HYAL4: variants seen among roughly 807,000 people sequenced by gnomAD.
HYAL4 encodes hyaluronidase 4, also known as hyaluronidase-4.
Under a neutral mutation model 35.2 loss-of-function variants are expected in HYAL4, and 37 were observed. The observed-to-expected ratio is 1.05, with a 90% confidence interval of 0.81 to 1.38. The LOEUF (loss-of-function observed/expected upper bound fraction) is 1.38, where lower values mean the gene tolerates loss of function less well. Ranked by LOEUF, HYAL4 falls within the 40% of genes most tolerant of loss-of-function variation. HYAL4 has a pLI of 0.00. For missense variants in HYAL4, 572 were observed against 572.4 expected (o/e 1.00, Z 0.01); for synonymous variants, 198 against 203.2 (o/e 0.97, Z 0.22).
the HYAL4 span, among the ~76,000 whole-genome samples, chr7:123,796,366 A>G: frequency 6.6e-6 from 1 of 152,248 alleles, no homozygotes; most frequent in Non-Finnish European, 1.5e-5. Context: ...TTAAAGAAAC[A>G]TTTACGTGGT....
intron 2 of HYAL4, among the ~76,000 whole-genome samples, chr7:123,858,301 A>C (rs1806502812): frequency 6.6e-6 from 1 of 152,164 alleles, no homozygotes; most frequent in Non-Finnish European, 1.5e-5. Context: ...AAATCTACTC[A>C]GATTGCTTAA....
intron 1 of HYAL4, among the ~76,000 whole-genome samples, chr7:123,829,493 G>A (rs1026476758): frequency 1.3e-5 from 2 of 152,022 alleles, no homozygotes; most frequent in African/African-American, 4.8e-5. Context: ...AAAAAAGTTA[G>A]TCATTGATGC....
At chr7:123,799,954 A>G in the HYAL4 span, among the ~76,000 whole-genome samples, 1 of 151,894 alleles carries the variant, frequency 6.6e-6, no homozygotes, top group Non-Finnish European at 1.5e-5. Flanking sequence ...TGAGCGCAGG[A>G]GTTCGAGACC....
the HYAL4 span, among the ~76,000 whole-genome samples, chr7:123,790,028 TCA>T: frequency 6.6e-6 from 1 of 152,150 alleles, no homozygotes; most frequent in East Asian, 1.9e-4. Flanking sequence ...GGTGTTTATC[TCA>T]CAGTCTTGAG....
At chr7:123,807,052 C>A in the HYAL4 span, among the ~76,000 whole-genome samples, 3 of 152,134 alleles carry the variant, frequency 2.0e-5, no homozygotes, top group Non-Finnish European at 2.9e-5. Context: ...AATTTCTTTT[C>A]CCCAGATTTA....
chr7:123,869,199 G>T lies in HYAL4; in HGVS notation c.926G>T (p.Arg309Ile), dbSNP rs746985654. 4.4e-5 allele frequency: 71 copies of T among 1,603,982 alleles called. No homozygotes were observed. Among genetic ancestry groups the T allele is most frequent in the Non-Finnish European group, 5.2e-5 (61 of 1,174,934 alleles). The change falls in exon 3 of 5, where the codon AGA becomes ATA. Residue 309 changes from arginine to isoleucine, a missense_variant. Physicochemically the swap from Arg to Ile is moderately conservative, Grantham distance 97. Transcript: ENST00000223026. The stretch of plus-strand genomic sequence containing the variant: ...TTTGTCTACACAAGGCTAGGGTACA[G>T]AGATGAACCTTTATTTTTCCTTTCT... The part of the protein sequence containing the change: ...PVFVYTRLGY[R>I]DEPLFFLSKQ...
At chr7:123,832,821 T>TTATGAGTGTG (rs1805906363) in intron 1 of HYAL4, among the ~76,000 whole-genome samples, 1 of 152,128 alleles carries the variant, frequency 6.6e-6, no homozygotes, top group Non-Finnish European at 1.5e-5. Flanking sequence ...TACTCATAGC[T>TTATGAGTGTG]CAGTTCCCAC....
chr7:123,795,763 T>G, the HYAL4 span, among the ~76,000 whole-genome samples: 2 of 152,182 alleles, frequency 1.3e-5, no homozygotes, highest in Non-Finnish European at 2.9e-5. Context: ...GAGAACAGAC[T>G]AATATACTAT....
chr7:123,800,767 G>A, the HYAL4 span, among the ~76,000 whole-genome samples: 75 of 150,564 alleles, frequency 5.0e-4, no homozygotes, highest in South Asian at 1.5e-3. Context: ...AACGATTCTC[G>A]TGCCTCAGCC....
chr7:123,860,184 T>C (rs985205610), intron 2 of HYAL4, among the ~76,000 whole-genome samples: 12 of 152,162 alleles, frequency 7.9e-5, no homozygotes, highest in Admixed American at 7.2e-4. Context: ...GGCACTTAAT[T>C]TCCCTTTGCC....
chr7:123,821,687 C>T, the HYAL4 span, among the ~76,000 whole-genome samples: 2 of 152,072 alleles, frequency 1.3e-5, no homozygotes, highest in African/African-American at 4.8e-5. Flanking sequence ...GTTGCCTGTC[C>T]TTTTGGTGTC....
upstream of HYAL4, among the ~76,000 whole-genome samples, chr7:123,824,138 A>T (rs1360329669): frequency 2.0e-5 from 3 of 152,186 alleles, no homozygotes; most frequent in Non-Finnish European, 4.4e-5. Flanking sequence ...TGTGACCTTG[A>T]TCAAGTAATT....
At chr7:123,785,107 C>T in the HYAL4 span, among the ~76,000 whole-genome samples, 13 of 152,214 alleles carry the variant, frequency 8.5e-5, no homozygotes, top group African/African-American at 2.6e-4. This position sits in a 1 kb window ranked among gnomAD's most constrained non-coding sequence, Gnocchi z 4.5. Context: ...TCTCTGTCAC[C>T]GGGCTAGAGT....
chr7:123,794,358 CAA>C, the HYAL4 span, among the ~76,000 whole-genome samples: 3 of 152,320 alleles, frequency 2.0e-5, no homozygotes, highest in Non-Finnish European at 4.4e-5. Context: ...GCATAAGTAA[CAA>C]GAGGTGAATG....
chr7:123,769,016 C>T, the HYAL4 span, among the ~76,000 whole-genome samples: 1 of 152,184 alleles, frequency 6.6e-6, no homozygotes, highest in Non-Finnish European at 1.5e-5. Flanking sequence ...TTGTATTTCT[C>T]ATGTCAGCTT....
chr7:123,789,807 C>T, the HYAL4 span, among the ~76,000 whole-genome samples: 1 of 151,868 alleles, frequency 6.6e-6, no homozygotes, highest in Admixed American at 6.6e-5. Flanking sequence ...TAAGTACAAA[C>T]ACAAATATGT....
At chr7:123,787,514 G>A in the HYAL4 span, among the ~76,000 whole-genome samples, 49,574 of 151,864 alleles carry the variant, frequency 0.33, 8,504 homozygotes, top group Middle Eastern at 0.44. Context: ...GGCCATGGCA[G>A]TATTGAGTCA....
rs1298432527 is a variant in HYAL4, at chr7:123,851,263, C to CTT, written c.-52+3107_-52+3108dup. On this transcript the variant is annotated intron_variant, in intron 2 of 4. Coordinates refer to ENST00000223026, the MANE Select transcript of HYAL4 (RefSeq NM_012269.3). ...TTCAACAAAGTTTTTTTAAATTATA[C>CTT]TTTAAGTTCTGGGATACATCTGCAG... is the stretch of plus-strand genomic sequence containing the variant. Among the ~76,000 whole-genome samples the CTT allele has an allele frequency of 3.9e-5, 6 of 152,058 alleles. 1 individual carries two copies. The highest frequency in any genetic ancestry group is 1.4e-4 in the African/African-American group (6 of 41,498).
chr7:123,831,253 C>G (rs1805879238), intron 1 of HYAL4, among the ~76,000 whole-genome samples: 1 of 152,160 alleles, frequency 6.6e-6, no homozygotes, highest in South Asian at 2.1e-4. Context: ...TCTGCTTCCC[C>G]TTTGACCTTC....
Sources: gnomAD v4.1 joint callset for allele counts (sites outside exome capture counted in the v4.1 genomes callset) on GRCh38, gnomAD v4.1.1 for gene constraint, Gnocchi (gnomAD v3.1) non-coding constraint, MANE v1.5 for transcripts, NCBI Gene and HGNC (gene_info 2026-07-23, HGNC 2026-07-21) for gene names.